GRID2: variants seen among roughly 807,000 people sequenced by gnomAD.
GRID2 encodes glutamate receptor ionotropic, delta-2.
Under a neutral mutation model 114.8 loss-of-function variants are expected in GRID2, and 33 were observed. The ratio of observed to expected loss-of-function variants is 0.29; its 90% CI spans 0.22 to 0.38. The LOEUF is 0.38. Among genes scored for constraint, GRID2 ranks in the 10% least tolerant of loss-of-function variants. The pLI is 1.00. For missense variants in GRID2, 1,184 were observed against 1,257.7 expected, an observed-to-expected ratio of 0.94 and a Z score of 0.89; for synonymous variants, 505 against 449.9, an observed-to-expected ratio of 1.12 and a Z score of -1.55.
intron 2 of GRID2, among the ~76,000 whole-genome samples, chr4:92,617,300 T>C (rs1008209526): frequency 2.6e-5 from 4 of 151,412 alleles, no homozygotes; most frequent in African/African-American, 9.7e-5. Flanking sequence ...GGTGGTTTGC[T>C]GCACCTATCA....
chr4:92,384,468 A>T (rs1214665767), intron 1 of GRID2, among the ~76,000 whole-genome samples: 3 of 51,576 alleles, frequency 5.8e-5, no homozygotes, highest in Admixed American at 3.6e-4. Flanking sequence ...ATATATATAT[A>T]TATATATATA....
chr4:92,851,836 G>A (rs1176824399), intron 2 of GRID2, among the ~76,000 whole-genome samples: 1 of 151,924 alleles, frequency 6.6e-6, no homozygotes, highest in Non-Finnish European at 1.5e-5. Context: ...GAAAAAGTGG[G>A]TGAACTTTGT....
At chr4:92,667,823 A>C (rs1015531588) in intron 2 of GRID2, among the ~76,000 whole-genome samples, 3 of 151,758 alleles carry the variant, frequency 2.0e-5, no homozygotes, top group African/African-American at 7.2e-5. Flanking sequence ...TTGATGTTCA[A>C]ATTAAATAAG....
At chr4:93,351,582 AT>A (rs1760810878) in intron 8 of GRID2, among the ~76,000 whole-genome samples, 1 of 152,222 alleles carries the variant, frequency 6.6e-6, no homozygotes, top group African/African-American at 2.4e-5. Flanking sequence ...ACAAATTACA[AT>A]CAGAACTTTG....
chr4:93,462,040 A>G (rs78527332), intron 11 of GRID2, among the ~76,000 whole-genome samples: 1,950 of 152,292 alleles, frequency 0.013, 39 homozygotes, highest in African/African-American at 0.044. Context: ...TGGGAAATAG[A>G]AATATTTATA....
chr4:92,385,527 T>C (rs1007991586), intron 1 of GRID2, among the ~76,000 whole-genome samples: 12 of 151,658 alleles, frequency 7.9e-5, no homozygotes, highest in Non-Finnish European at 1.5e-4. Context: ...ATGAAAACTC[T>C]CATGTCAAGA....
At chr4:92,775,767 T>A (rs1738765665) in intron 2 of GRID2, among the ~76,000 whole-genome samples, 1 of 152,162 alleles carries the variant, frequency 6.6e-6, no homozygotes, top group Admixed American at 6.6e-5. Context: ...TTAGTTTAAT[T>A]GTCAGAGTAA....
At chr4:92,735,858 T>C (rs1246444483) in intron 2 of GRID2, among the ~76,000 whole-genome samples, 2 of 152,058 alleles carry the variant, frequency 1.3e-5, no homozygotes, top group African/African-American at 4.8e-5. Context: ...AGTTTGGATC[T>C]TGAGGTCACA....
intron 8 of GRID2, among the ~76,000 whole-genome samples, chr4:93,266,986 CTA>C (rs1750910800): frequency 7.3e-6 from 1 of 137,134 alleles, no homozygotes; most frequent in Non-Finnish European, 1.6e-5. Flanking sequence ...ATTCCACACT[CTA>C]TTTCCATGTA....
intron 2 of GRID2, among the ~76,000 whole-genome samples, chr4:92,988,388 A>G (rs1273786594): frequency 6.6e-6 from 1 of 152,186 alleles, no homozygotes; most frequent in East Asian, 1.9e-4. Context: ...CTACATAGCA[A>G]CTGATTTCCT....
At chr4:92,876,230 C>G (rs942073232) in intron 2 of GRID2, among the ~76,000 whole-genome samples, 1 of 151,082 alleles carries the variant, frequency 6.6e-6, no homozygotes, top group Non-Finnish European at 1.5e-5. Flanking sequence ...TTTCGAACAG[C>G]AAATTTATAA....
intron 2 of GRID2, among the ~76,000 whole-genome samples, chr4:92,880,567 C>T (rs190306444): frequency 6.6e-6 from 1 of 152,220 alleles, no homozygotes; most frequent in Non-Finnish European, 1.5e-5. Context: ...AACTGTATAT[C>T]ATAGAAAGTG....
chr4:93,036,679 A>C (rs1560816242), intron 2 of GRID2, among the ~76,000 whole-genome samples: 1 of 152,086 alleles, frequency 6.6e-6, no homozygotes, highest in Non-Finnish European at 1.5e-5. Context: ...AGTGTAATTT[A>C]CTTTCTTTTA....
chr4:92,559,301 T>C (rs1246980495), intron 1 of GRID2, among the ~76,000 whole-genome samples: 1 of 152,184 alleles, frequency 6.6e-6, no homozygotes, highest in Non-Finnish European at 1.5e-5. Flanking sequence ...AGTCTCTACA[T>C]TTAAGAAAGA....
At chr4:93,487,017 A>T (rs1382295445) in intron 11 of GRID2, among the ~76,000 whole-genome samples, 1 of 151,752 alleles carries the variant, frequency 6.6e-6, no homozygotes, top group Non-Finnish European at 1.5e-5. Flanking sequence ...TAGTTACAAA[A>T]CCATTCAAAT....
downstream of GRID2, among the ~76,000 whole-genome samples, chr4:93,778,897 GTTAAAA>G (rs909163710): frequency 6.6e-5 from 10 of 152,016 alleles, no homozygotes; most frequent in African/African-American, 2.4e-4. Flanking sequence ...CATATTAGGA[GTTAAAA>G]TTAAAAATAT....
intron 2 of GRID2, among the ~76,000 whole-genome samples, chr4:92,699,573 G>T (rs1734573096): frequency 6.6e-6 from 1 of 152,164 alleles, no homozygotes; most frequent in South Asian, 2.1e-4. Context: ...TTACTATAGA[G>T]TTAGATGCTT....
rs1450626581 is a variant in GRID2, at chr4:92,600,037, T to TATAA, written c.244+9751_244+9752insATAA. ...AATACTTCATGTATGTGTGTGTGTG[T>TATAA]GTGTGTGTATATATATATATATATA... is the stretch of plus-strand genomic sequence containing the variant. On this transcript the variant is annotated intron_variant, in intron 2 of 15. Coordinates refer to ENST00000282020, the MANE Select transcript of GRID2 (RefSeq NM_001510.4). Among the ~76,000 whole-genome samples, 287 of 76,038 alleles carry TATAA rather than the reference T, an allele frequency of 3.8e-3. 3 individuals carry two copies. Among genetic ancestry groups the TATAA allele is most frequent in the South Asian group, 0.01 (21 of 2,014 alleles). The allele number at this position is 76,038 out of a possible 152,430, so 49.9% of individuals were successfully genotyped here. A position where few individuals can be genotyped will look rare whatever the true frequency, so the allele number is the denominator to read the frequency against.
intron 1 of GRID2, among the ~76,000 whole-genome samples, chr4:92,571,650 A>C (rs984635900): frequency 8.5e-5 from 13 of 152,152 alleles, no homozygotes; most frequent in African/African-American, 3.1e-4. Flanking sequence ...ACTCCTCAGC[A>C]AATGTAAAAG....
Sources: allele counts gnomAD v4.1 joint callset (sites outside exome capture counted in the v4.1 genomes callset), GRCh38; gene constraint gnomAD v4.1.1; transcripts MANE v1.5; gene names NCBI Gene and HGNC (gene_info 2026-07-23, HGNC 2026-07-21).